KRT40: variants seen among roughly 807,000 people sequenced by gnomAD.
KRT40 encodes the protein keratin, type I cytoskeletal 40.
In KRT40, 47 loss-of-function variants were observed where a neutral mutation model predicts 43.5. The ratio of observed to expected loss-of-function variants is 1.08; its 90% CI spans 0.86 to 1.38. The LOEUF is 1.38. Ranked by LOEUF, KRT40 falls within the 40% of genes most tolerant of loss-of-function variation. The pLI, the probability that KRT40 is intolerant of heterozygous loss-of-function variation, is 0.00. For missense variants in KRT40, 573 were observed against 523.6 expected (o/e 1.09, Z -0.92); for synonymous variants, 212 against 214.0 (o/e 0.99, Z 0.08).
chr17:40,980,599 G>C (rs1015064891), intron 5 of KRT40, among the ~76,000 whole-genome samples, 186 bp downstream of exon 5: 1 of 152,166 alleles, frequency 6.6e-6, no homozygotes, highest in Non-Finnish European at 1.5e-5. Context: ...CTCAAGCCCA[G>C]GAGTGAAGGT....
In KRT40 at chr17:40,980,788, G is replaced by A. The variant is rs1255937304; in HGVS notation, c.972C>T (p.Ser324=). 2 of 1,601,580 alleles carry A rather than the reference G, an allele frequency of 1.2e-6. No individual in the cohort carries two copies. Among genetic ancestry groups the A allele is most frequent in the Admixed American group, 3.5e-5 (2 of 56,662 alleles). ...ALEIELQAQQ[S]LTESLECTVA... ...ACACTGCCTTTGCCTCACGCACCAG[G>A]CTTTGCTGTGCTTGGAGCTCAATTT... Residue 324 remains serine (S), a synonymous_variant, in exon 5 of 7, where the codon AGC becomes AGT. Coordinates refer to ENST00000377755, the MANE Select transcript of KRT40 (RefSeq NM_001389244.1).
rs2271277 is a variant in KRT40, at chr17:40,978,203, G to A, written c.1290C>T (p.Cys430=). ...TACCTGCTGTCCTTAACATTCACAA[G>A]CAGCAGTTTTCAACAGTGCAGATGA... ...AYVICTVENC[C]L The change falls in exon 7 of 7, where the codon TGC becomes TGT. Residue 430 remains cysteine (C), a synonymous_variant. Transcript: ENST00000377755. 519,289 of 1,607,194 alleles carry A rather than the reference G, an allele frequency of 0.32. 94,913 individuals are homozygous for A. The highest frequency in any genetic ancestry group is 0.8 in the African/African-American group (59,904 of 74,812).
intron 2 of KRT40, 40 bp downstream of exon 2, chr17:40,983,006 C>T: frequency 1.1e-6 from 1 of 871,852 alleles, no homozygotes; most frequent in South Asian, 1.5e-5. Flanking sequence ...GAAACTCCAT[C>T]TCAAAATAAA....
Position 40,982,338 on chromosome 17 carries a change from T to A in KRT40, c.656A>T (p.Asp219Val). 6.3e-7 allele frequency: 1 copy of A among 1,597,568 alleles called. No homozygotes were observed. Among genetic ancestry groups the A allele is most frequent in the South Asian group, 1.1e-5 (1 of 88,308 alleles). Reference sequence around the variant, plus strand: ...ATGGTTTTTCTTAAGGCAAAGGAGATCTTCCTTCAGAGACTCCACATGGGC... The same window carrying A: ...ATGGTTTTTCTTAAGGCAAAGGAGAACTTCCTTCAGAGACTCCACATGGGC... ...LEAHVESLKE[D>V]LLCLKKNHEE... The change falls in exon 3 of 7, where the codon GAT (aspartate) becomes GTT (valine). Residue 219 changes from aspartate to valine, a missense_variant. By Grantham distance (152) the Asp-to-Val change is radical (BLOSUM62 -3). Coordinates refer to ENST00000377755, the MANE Select transcript of KRT40 (RefSeq NM_001389244.1).
rs769458789 is a variant in KRT40, at chr17:40,984,318, C to T, written c.-45G>A. The T allele has an allele frequency of 1.7e-5, 25 of 1,462,830 alleles. No homozygotes were observed. Among genetic ancestry groups the T allele is most frequent in the Non-Finnish European group, 2.3e-5 (25 of 1,068,598 alleles). 90.6% of individuals were successfully genotyped at this position (1,462,830 alleles called of 1,614,324 possible). On this transcript the variant is annotated 5_prime_UTR_variant, in exon 1 of 7. Transcript: ENST00000377755. ...GAGACTGGCTGCAAAACTTCAGTTG[C>T]CTTGACTCCAAAACTCTCCTCTCCT... is the stretch of plus-strand genomic sequence containing the variant.
chr17:40,984,223 C>G lies in KRT40; in HGVS notation c.51G>C (p.Thr17=). 6.2e-7 allele frequency: 1 copy of G among 1,613,856 alleles called. No individual in the cohort carries two copies. The highest frequency in any genetic ancestry group is 8.5e-7 in the Non-Finnish European group (1 of 1,179,934). ...TTGAGGCAGGTGCACAACCGGAAGC[C>G]GTGCCACAGGACTCAGGAGAGCAGT... ...STHCSPESCG[T]ASGCAPASSC... is the part of the protein sequence containing the mutation. Residue 17 remains threonine (T), a synonymous_variant, in exon 1 of 7, where the codon ACG becomes ACC. Transcript: ENST00000377755.
Position 40,982,409 on chromosome 17 carries a change from C to G in KRT40, c.585G>C (p.Leu195=). The change falls in exon 3 of 7, where the codon CTG becomes CTC. Residue 195 remains leucine, a synonymous_variant. Coordinates refer to ENST00000377755, the MANE Select transcript of KRT40 (RefSeq NM_001389244.1). The part of the protein sequence containing the change: ...RQLLEADISS[L]HGILEELTLC... ...GGGTCAGTTCCTCCAGGATCCCATG[C>G]AGGCTGCTGATGTCAGCCTCTAACA... 7.5e-6 allele frequency: 12 copies of G among 1,610,540 alleles called. No individual in the cohort carries two copies. The highest frequency in any genetic ancestry group is 1.0e-5 in the Non-Finnish European group (12 of 1,178,348).
Position 40,978,272 on chromosome 17 carries a change from G to A in KRT40, c.1221C>T (p.Thr407=). The change falls in exon 7 of 7, where the codon ACC becomes ACT. Residue 407 remains threonine, a synonymous_variant. Transcript: ENST00000377755. ...CACAAGTGTTGCTCGAGGTGCATGT[G>A]GTCGAACATGGGCTACAGGAAAGCC... ...DSRLSCSPCS[T]TCTSSNTCEP... The A allele has an allele frequency of 6.2e-7, 1 of 1,613,868 alleles. No homozygotes were observed. Among genetic ancestry groups the A allele is most frequent in the Non-Finnish European group, 8.5e-7 (1 of 1,179,806 alleles).
At chr17:40,981,391 C>G in intron 3 of KRT40, 1 of 733,870 alleles carries the variant, frequency 1.4e-6, no homozygotes, top group Non-Finnish European at 2.4e-6. Flanking sequence ...AAGAGTCAAT[C>G]TACACATAAT....
chr17:40,980,919 CA>C lies in KRT40; in HGVS notation c.850-10del. 1 of 1,614,154 alleles carries C rather than the reference CA, an allele frequency of 6.2e-7. No homozygotes were observed. Among genetic ancestry groups the C allele is most frequent in the Non-Finnish European group, 8.5e-7 (1 of 1,180,036 alleles). ...TGATTCAGCTCTTCTGTCTGAAACA[CA>C]GACACCATTAGAGAATTCAAAAAAG... On this transcript the variant is annotated splice_polypyrimidine_tract_variant and intron_variant, in intron 4 of 6. Coordinates refer to ENST00000377755, the MANE Select transcript of KRT40 (RefSeq NM_001389244.1).
intron 3 of KRT40, among the ~76,000 whole-genome samples, chr17:40,981,552 T>C (rs1392156486): frequency 6.6e-6 from 1 of 152,212 alleles, no homozygotes; most frequent in Non-Finnish European, 1.5e-5. Flanking sequence ...TGGCTGTATA[T>C]TTTATGATTT....
chr17:40,979,105 C>A, intron 5 of KRT40, 81 bp from the exon 6 acceptor site: 1 of 1,086,848 alleles, frequency 9.2e-7, no homozygotes, highest in Non-Finnish European at 1.4e-6. Context: ...TCCTGCTTAC[C>A]CTTTTCTAGC....
rs1489187558 is a variant in KRT40 at position 40,981,144 on chromosome 17, T to C, written c.695A>G (p.Asn232Ser). The change falls in exon 4 of 7, where the codon AAC becomes AGC. Residue 232 changes from asparagine to serine, a missense_variant. Coordinates refer to ENST00000377755, the MANE Select transcript of KRT40 (RefSeq NM_001389244.1). ...GTCGCCAAGCTGTTCACGAAGCAAG[T>C]TGACTTCCTGAAAGTGGGATGGTGT... ...CLKKNHEEEV[N>S]LLREQLGDRL... The C allele has an allele frequency of 2.5e-6, 4 of 1,613,698 alleles. No individual in the cohort carries two copies. Among genetic ancestry groups the C allele is most frequent in the Middle Eastern group, 1.7e-4 (1 of 6,058 alleles).
In KRT40 at chr17:40,984,045, A is replaced by T. The variant is rs751773622; in HGVS notation, c.229T>A (p.Cys77Ser). The T allele has an allele frequency of 1.2e-6, 2 of 1,614,112 alleles. No homozygotes were observed. The highest frequency in any genetic ancestry group is 1.7e-6 in the Non-Finnish European group (2 of 1,180,018). ...AACACCCCATCCTCACACCAGGCAC[A>T]GTTCCCCACCAAGCAGGGACTATTA... ...SCNSPCLVGNCAWCEDGVFTS... is the reference protein window; with the variant it reads ...SCNSPCLVGNSAWCEDGVFTS... Residue 77 changes from cysteine to serine, a missense_variant, in exon 1 of 7, where the codon TGT becomes AGT. Physicochemically the swap from Cys to Ser is moderately radical, Grantham distance 112. Coordinates refer to ENST00000377755, the MANE Select transcript of KRT40 (RefSeq NM_001389244.1).
upstream of KRT40, among the ~76,000 whole-genome samples, chr17:40,985,238 G>A (rs2111052): frequency 0.63 from 96,358 of 151,884 alleles, 32,059 homozygotes; most frequent in African/African-American, 0.84. Flanking sequence ...CATGAAAATT[G>A]AAAATACTGG....
rs144858538 is a variant in KRT40, at chr17:40,982,250, T to C, written c.687+57A>G. ...GATTTACAAACATCAACAGATCATC[T>C]GTCAATGTAAGTACGTTACTCTCGG... On this transcript the variant is annotated intron_variant, in intron 3 of 6. Transcript: ENST00000377755. 363 of 1,388,034 alleles carry C rather than the reference T, an allele frequency of 2.6e-4. 1 individual carries two copies. In the African/African-American group the frequency reaches 4.7e-3, roughly 18 times the overall value. 86.0% of individuals were successfully genotyped at this position (1,388,034 alleles called of 1,614,324 possible). A position where few individuals can be genotyped will look rare whatever the true frequency, so the allele number is the denominator to read the frequency against.
rs893944259 is a variant in KRT40 at position 40,978,867 on chromosome 17, A to G, written c.1133T>C (p.Val378Ala). 1 of 1,613,566 alleles carries G rather than the reference A, an allele frequency of 6.2e-7. No homozygotes were observed. The stretch of plus-strand genomic sequence containing the variant: ...GATCTCACCCTCCAGCCGGGCCTTC[A>G]CGTCCAGGAGCACCTGGTACTCCTG... Reference protein sequence around the residue: ...QNQEYQVLLDVKARLEGEINT... With the variant: ...QNQEYQVLLDAKARLEGEINT... The change falls in exon 6 of 7, where the codon GTG becomes GCG. Residue 378 changes from valine to alanine, a missense_variant. Val to Ala is a moderately conservative substitution (Grantham distance 64, BLOSUM62 0). Coordinates refer to ENST00000377755, the MANE Select transcript of KRT40 (RefSeq NM_001389244.1).
intron 5 of KRT40, among the ~76,000 whole-genome samples, chr17:40,980,064 GAA>G (rs1261211138): frequency 5.9e-5 from 9 of 152,148 alleles, no homozygotes; most frequent in Admixed American, 5.9e-4. Flanking sequence ...AAGAGAGAGA[GAA>G]GAGACTCTGG....
chr17:40,984,231 A>G lies in KRT40; in HGVS notation c.43T>C (p.Cys15Arg). 6.2e-7 allele frequency: 1 copy of G among 1,613,778 alleles called. No homozygotes were observed. Among genetic ancestry groups the G allele is most frequent in the South Asian group, 1.1e-5 (1 of 91,028 alleles). ...GGTGCACAACCGGAAGCCGTGCCAC[A>G]GGACTCAGGAGAGCAGTGTGTGGAG... is the stretch of plus-strand genomic sequence containing the variant. Reference protein sequence around the residue: ...CSSTHCSPESCGTASGCAPAS... With the variant: ...CSSTHCSPESRGTASGCAPAS... The change falls in exon 1 of 7, where the codon TGT (cysteine) becomes CGT (arginine). Residue 15 changes from cysteine to arginine, a missense_variant. Transcript: ENST00000377755.
Sources: gnomAD v4.1 joint callset for allele counts (sites outside exome capture counted in the v4.1 genomes callset) on GRCh38, gnomAD v4.1.1 for gene constraint, MANE v1.5 for transcripts, NCBI Gene and HGNC (gene_info 2026-07-23, HGNC 2026-07-21) for gene names.